The following TENM2 variants were observed in gnomAD, a reference collection of about 807,000 sequenced individuals.
TENM2 encodes the protein teneurin-2.
Under a neutral mutation model 245.2 loss-of-function variants are expected in TENM2, and 52 were observed. The observed-to-expected ratio is 0.21, with a 90% CI of 0.17 to 0.27. TENM2 has a LOEUF of 0.27. Ranked by LOEUF, TENM2 falls within the 10% of genes least tolerant of loss-of-function variation. The pLI, the probability that TENM2 is intolerant of heterozygous loss-of-function variation, is 1.00. For missense variants in TENM2, 3,046 were observed against 3,666.8 expected (o/e 0.83, Z 4.37); for synonymous variants, 1,363 against 1,438.9 (o/e 0.95, Z 1.19).
chr5:168,197,654 C>T (rs1761563368), intron 15 of TENM2, among the ~76,000 whole-genome samples: 1 of 146,488 alleles, frequency 6.8e-6, no homozygotes, highest in South Asian at 2.2e-4. Context: ...AAGCCCAAAT[C>T]ATGCCACTGC....
At chr5:167,548,168 T>A (rs1277415540) in intron 2 of TENM2, among the ~76,000 whole-genome samples, 2 of 152,188 alleles carry the variant, frequency 1.3e-5, no homozygotes, top group African/African-American at 2.4e-5. Flanking sequence ...CATAAAGGAC[T>A]TTGAGATAGT....
At chr5:167,557,172 A>G (rs1773312557) in intron 2 of TENM2, among the ~76,000 whole-genome samples, 1 of 152,222 alleles carries the variant, frequency 6.6e-6, no homozygotes, top group Non-Finnish European at 1.5e-5. Context: ...TGAATTTCTT[A>G]TCAAGTACCT....
At chr5:167,580,204 G>A (rs1774992537) in intron 2 of TENM2, among the ~76,000 whole-genome samples, 1 of 152,110 alleles carries the variant, frequency 6.6e-6, no homozygotes, top group Non-Finnish European at 1.5e-5. Flanking sequence ...CTAATCATTG[G>A]CACCTCTGCT....
the TENM2 span, among the ~76,000 whole-genome samples, chr5:167,228,019 CT>C: frequency 1.0e-3 from 145 of 143,098 alleles, no homozygotes; most frequent in African/African-American, 3.8e-3. Flanking sequence ...GAGATTCTTT[CT>C]TTTTCTTCTT....
the TENM2 span, among the ~76,000 whole-genome samples, chr5:167,039,120 A>C: frequency 6.6e-6 from 1 of 152,198 alleles, no homozygotes; most frequent in African/African-American, 2.4e-5. Flanking sequence ...ATCAAACCAG[A>C]AGCATTCTAG....
At chr5:167,620,653 T>C (rs1778107583) in intron 2 of TENM2, among the ~76,000 whole-genome samples, 1 of 151,322 alleles carries the variant, frequency 6.6e-6, no homozygotes, top group East Asian at 2.0e-4. Context: ...ACTTGAAATG[T>C]TGATATTTGT....
Position 167,520,351 on chromosome 5 carries a change from C to T in TENM2, c.502+144878C>T, listed in dbSNP as rs150712380. 1.2e-3 allele frequency among the ~76,000 whole-genome samples: 189 copies of T among 152,156 alleles called. 2 individuals carry two copies. Among genetic ancestry groups the T allele is most frequent in the Non-Finnish European group, 2.1e-3 (141 of 67,978 alleles). Reference sequence around the variant, plus strand: ...AAGTAAAGAGATATCTCAAAGAGTACCTAATCAAACCTGACAAATGGTGTA... The same window carrying T: ...AAGTAAAGAGATATCTCAAAGAGTATCTAATCAAACCTGACAAATGGTGTA... On this transcript the variant is annotated intron_variant, in intron 2 of 28. Coordinates refer to ENST00000518659, the Ensembl canonical transcript of TENM2.
chr5:167,832,818 C>T (rs1768623887), intron 2 of TENM2, among the ~76,000 whole-genome samples: 1 of 152,142 alleles, frequency 6.6e-6, no homozygotes, highest in South Asian at 2.1e-4. Flanking sequence ...CTTGTAAAGG[C>T]CCATTGTGCA....
chr5:167,821,407 G>A (rs1767515548), intron 2 of TENM2: 1 of 152,188 alleles, frequency 6.6e-6, no homozygotes, highest in African/African-American at 2.4e-5. Flanking sequence ...AGGAGCTGCT[G>A]TGTAAACACA....
chr5:168,140,643 C>CA (rs1314992289), intron 12 of TENM2, among the ~76,000 whole-genome samples: 2 of 152,202 alleles, frequency 1.3e-5, no homozygotes, highest in Non-Finnish European at 2.9e-5. Context: ...GGTCTAATGC[C>CA]ATGCTCTGAA....
intron 3 of TENM2, among the ~76,000 whole-genome samples, chr5:167,891,615 G>T (rs1774766294): frequency 6.6e-6 from 1 of 152,206 alleles, no homozygotes; most frequent in South Asian, 2.1e-4. Context: ...TCAAGTTTTT[G>T]TTACTGTTTT....
intron 2 of TENM2, among the ~76,000 whole-genome samples, chr5:167,859,278 T>C (rs1583205603): frequency 1.2e-5 from 1 of 84,664 alleles, no homozygotes. Flanking sequence ...GCCCGGCAGC[T>C]GCCCCGTCTG....
At chr5:168,169,890 A>T (rs1436275226) in intron 13 of TENM2, among the ~76,000 whole-genome samples, 1 of 152,230 alleles carries the variant, frequency 6.6e-6, no homozygotes, top group East Asian at 1.9e-4. Flanking sequence ...CTTGTGGCAA[A>T]TGTAGCTGGA....
At chr5:167,118,532 G>T in the TENM2 span, among the ~76,000 whole-genome samples, 3 of 152,194 alleles carry the variant, frequency 2.0e-5, no homozygotes, top group African/African-American at 7.2e-5. Context: ...ATATATTAGT[G>T]CTGGGTCTCA....
the TENM2 span, among the ~76,000 whole-genome samples, chr5:167,118,430 G>T: frequency 1.3e-5 from 2 of 152,256 alleles, no homozygotes; most frequent in African/African-American, 4.8e-5. Flanking sequence ...CTCTAAAGTG[G>T]CAGAGAACAG....
intron 2 of TENM2, among the ~76,000 whole-genome samples, chr5:167,536,103 C>T (rs1835946): frequency 0.013 from 2,023 of 152,178 alleles, 45 homozygotes; most frequent in African/African-American, 0.047. Flanking sequence ...GTAGTTGAAC[C>T]GTATGATCTG....
upstream of TENM2, among the ~76,000 whole-genome samples, chr5:167,284,589 C>G (rs138692735): frequency 6.6e-6 from 1 of 152,040 alleles, no homozygotes; most frequent in African/African-American, 2.4e-5. Context: ...TTTACTGTAT[C>G]GAGTTCTTCT....
At chr5:167,639,956 A>G (rs894493998) in intron 2 of TENM2, among the ~76,000 whole-genome samples, 10 of 152,186 alleles carry the variant, frequency 6.6e-5, no homozygotes, top group Non-Finnish European at 1.2e-4. Context: ...AAACTGACAT[A>G]TATTTGCATC....
At chr5:168,047,768 G>A (rs1788734799) in intron 6 of TENM2, among the ~76,000 whole-genome samples, 1 of 152,220 alleles carries the variant, frequency 6.6e-6, no homozygotes, top group African/African-American at 2.4e-5. Context: ...CTGGCACAGT[G>A]CCTGCTCAGA....
Sources: allele counts gnomAD v4.1 joint callset (sites outside exome capture counted in the v4.1 genomes callset), GRCh38; gene constraint gnomAD v4.1.1; transcripts MANE v1.5; gene names NCBI Gene and HGNC (gene_info 2026-07-23, HGNC 2026-07-21).